BMP5: variants seen among roughly 807,000 people sequenced by gnomAD.
The protein encoded by BMP5 is bone morphogenetic protein 5.
Under a neutral mutation model 46.6 loss-of-function variants are expected in BMP5, and 23 were observed. That is an observed-to-expected ratio of 0.49 (90% CI 0.35 to 0.70). BMP5 has a LOEUF of 0.70. BMP5 is among the 30% of genes least tolerant of loss of function. BMP5 has a pLI of 0.00. For missense variants in BMP5, 545 were observed against 565.6 expected (o/e 0.96, Z 0.37); for synonymous variants, 204 against 191.9 (o/e 1.06, Z -0.52).
chr6:55,831,664 A>T (rs2127542344), intron 1 of BMP5, among the ~76,000 whole-genome samples: 1 of 152,162 alleles, frequency 6.6e-6, no homozygotes, highest in East Asian at 1.9e-4. Context: ...AATGTCCAGA[A>T]TCAGCCAAAT....
intron 2 of BMP5, among the ~76,000 whole-genome samples, chr6:55,810,766 A>G (rs1006096420): frequency 6.6e-6 from 1 of 152,212 alleles, no homozygotes; most frequent in African/African-American, 2.4e-5. Flanking sequence ...CCTTGGTACC[A>G]AGGACATTTT....
chr6:55,771,733 T>C (rs989407475), intron 4 of BMP5, among the ~76,000 whole-genome samples: 2 of 151,872 alleles, frequency 1.3e-5, no homozygotes, highest in African/African-American at 2.4e-5. Flanking sequence ...TTTGATAATA[T>C]GCTTTGCAAA....
intron 3 of BMP5, among the ~76,000 whole-genome samples, chr6:55,793,769 C>A (rs1283352659): frequency 6.6e-6 from 1 of 152,154 alleles, no homozygotes; most frequent in Non-Finnish European, 1.5e-5. Context: ...CTCATTCCAT[C>A]CCCATCTCCT....
chr6:55,762,642 T>G (rs1336217508), intron 4 of BMP5, among the ~76,000 whole-genome samples: 1 of 152,112 alleles, frequency 6.6e-6, no homozygotes, highest in Non-Finnish European at 1.5e-5. Context: ...ACACTAAACA[T>G]GAAATGGTTA....
In BMP5 at chr6:55,855,060, C is replaced by T. The variant is rs1300901112; in HGVS notation, c.490+19316G>A. Among the ~76,000 whole-genome samples, 3 of 151,886 alleles carry T rather than the reference C, an allele frequency of 2.0e-5. No individual in the cohort carries two copies. In the East Asian group the frequency reaches 5.8e-4, roughly 29 times the overall value. ...AAATTTCCTCTTCTCCTTTAGAAAA[C>T]AGAAAAAAGCTTTTGATCATATTTT... On this transcript the variant is annotated intron_variant, in intron 1 of 6. Transcript: ENST00000370830.
intron 3 of BMP5, among the ~76,000 whole-genome samples, chr6:55,779,508 TCTAAATTATA>T (rs1376562692): frequency 6.6e-6 from 1 of 152,040 alleles, no homozygotes; most frequent in African/African-American, 2.4e-5. Flanking sequence ...ATTATATGAC[TCTAAATTATA>T]CTAGAATTCT....
chr6:55,772,248 C>T (rs1425814702), intron 4 of BMP5, among the ~76,000 whole-genome samples: 1 of 151,876 alleles, frequency 6.6e-6, no homozygotes, highest in Non-Finnish European at 1.5e-5. Context: ...GTGTTTTATT[C>T]ATCTCTGCTT....
intron 1 of BMP5, among the ~76,000 whole-genome samples, chr6:55,847,221 T>C (rs945016111): frequency 1.3e-5 from 2 of 152,072 alleles, no homozygotes; most frequent in Admixed American, 6.6e-5. Flanking sequence ...TTAAAGCCCC[T>C]GTGGTCATCT....
intron 1 of BMP5, among the ~76,000 whole-genome samples, chr6:55,825,905 A>C (rs1233649541): frequency 6.6e-6 from 1 of 151,878 alleles, no homozygotes; most frequent in Non-Finnish European, 1.5e-5. Flanking sequence ...TGTTGAAAGA[A>C]TACAGATCAT....
At chr6:55,780,279 C>A (rs1349463379) in intron 3 of BMP5, among the ~76,000 whole-genome samples, 2 of 150,894 alleles carry the variant, frequency 1.3e-5, no homozygotes, top group African/African-American at 4.9e-5. Flanking sequence ...GTAGCAGTAC[C>A]CTGACACACT....
intron 1 of BMP5, among the ~76,000 whole-genome samples, chr6:55,820,703 C>T (rs899565894): frequency 6.6e-6 from 1 of 151,498 alleles, no homozygotes; most frequent in Non-Finnish European, 1.5e-5. Context: ...CTTGCATGAG[C>T]TACTCTGCCC....
At position 55,797,614 on chromosome 6, in the gene BMP5, C is replaced by CTT. The variant is rs60366569; in HGVS notation, c.684-3189_684-3188dup. 1.3e-3 allele frequency among the ~76,000 whole-genome samples: 143 copies of CTT among 110,564 alleles called. 1 individual carries two copies. The highest frequency in any genetic ancestry group is 2.3e-3 in the Admixed American group (23 of 10,078). 72.5% of individuals were successfully genotyped at this position (110,564 alleles called of 152,430 possible). ...ATGGTGTTTGTGATTATTTTCTTTT[C>CTT]TTTTTTTTTTTTTTTTTTTTGAGAC... On this transcript the variant is annotated intron_variant, in intron 2 of 6. Coordinates refer to ENST00000370830, the MANE Select transcript of BMP5 (RefSeq NM_021073.4).
chr6:55,775,913 T>A (rs1775162466), intron 3 of BMP5, among the ~76,000 whole-genome samples: 2 of 150,948 alleles, frequency 1.3e-5, no homozygotes, highest in South Asian at 2.1e-4. Context: ...TGTGGAGGTA[T>A]TGGTTGAAAA....
intron 1 of BMP5, among the ~76,000 whole-genome samples, chr6:55,840,639 CAT>C (rs1776925267): frequency 6.6e-6 from 1 of 152,038 alleles, no homozygotes; most frequent in South Asian, 2.1e-4. Flanking sequence ...CTACTTTAGT[CAT>C]GTTTTCCTAC....
In BMP5 at chr6:55,810,101, C is replaced by T. The variant is rs550880664; in HGVS notation, c.683+9554G>A. ...AGTTTATAAGGTTCAAAGTTTCCCT[C>T]ATCAGCAGCTTTTAGCTTATATGGG... On this transcript the variant is annotated intron_variant, in intron 2 of 6. Coordinates refer to ENST00000370830, the MANE Select transcript of BMP5 (RefSeq NM_021073.4). 4.6e-5 allele frequency among the ~76,000 whole-genome samples: 7 copies of T among 152,230 alleles called. No homozygotes were observed. The East Asian group carries it at 1.4e-3, about 29-fold the overall frequency.
intron 2 of BMP5, among the ~76,000 whole-genome samples, chr6:55,795,152 A>T (rs1419459952): frequency 6.6e-6 from 1 of 152,148 alleles, no homozygotes; most frequent in Non-Finnish European, 1.5e-5. Context: ...TAATTTTAGC[A>T]TTATATTTAT....
intron 1 of BMP5, among the ~76,000 whole-genome samples, chr6:55,841,396 T>C (rs1406445467): frequency 6.6e-6 from 1 of 152,180 alleles, no homozygotes; most frequent in African/African-American, 2.4e-5. Context: ...CAAAAAAAAT[T>C]TTGATTCTCT....
Position 55,869,478 on chromosome 6 carries a change from C to CA in BMP5, c.490+4897dup, listed in dbSNP as rs202132411. Among the ~76,000 whole-genome samples, 762 of 149,548 alleles carry CA rather than the reference C, an allele frequency of 5.1e-3. 8 individuals carry two copies. The highest frequency in any genetic ancestry group is 6.8e-3 in the Non-Finnish European group (460 of 67,410). On this transcript the variant is annotated intron_variant, in intron 1 of 6. Transcript: ENST00000370830. ...TTTATTCTTTCTCATTATCTCTTTT[C>CA]AAAAAAAAATAATTTCTTCATGGAA...
intron 2 of BMP5, among the ~76,000 whole-genome samples, chr6:55,803,374 T>G (rs566067610): frequency 6.6e-6 from 1 of 151,918 alleles, no homozygotes; most frequent in East Asian, 1.9e-4. Context: ...AGTGCCAAAT[T>G]GACAAGGATG....
Sources: allele counts gnomAD v4.1 joint callset (sites outside exome capture counted in the v4.1 genomes callset), GRCh38; gene constraint gnomAD v4.1.1; transcripts MANE v1.5; gene names NCBI Gene and HGNC (gene_info 2026-07-23, HGNC 2026-07-21).